The following CDC73 variants were observed in gnomAD, a reference collection of about 807,000 sequenced individuals.
CDC73 encodes cell division cycle 73.
In CDC73, 21 loss-of-function variants were observed where a neutral mutation model predicts 83.7. That is an observed-to-expected ratio of 0.25 (90% CI 0.18 to 0.36). CDC73 has a LOEUF of 0.36. Among genes scored for constraint, CDC73 ranks in the 10% least tolerant of loss-of-function variants. The pLI, the probability that CDC73 is intolerant of heterozygous loss-of-function variation, is 1.00. For synonymous variants in CDC73, 224 were observed against 212.9 expected (o/e 1.05, Z -0.45); for missense variants, 342 against 653.3 (o/e 0.52, Z 5.19).
chr1:193,216,164 T>C lies in CDC73; in HGVS notation c.1154+3687T>C, dbSNP rs188071809. On this transcript the variant is annotated intron_variant, in intron 13 of 16. Transcript: ENST00000367435. The stretch of plus-strand genomic sequence containing the variant: ...AAAGATCAATAAAACCAAAATTTGG[T>C]TCTTTGAAATAATACGATTAATAGA... Among the ~76,000 whole-genome samples the C allele has an allele frequency of 4.6e-5, 7 of 152,132 alleles. No individual in the cohort carries two copies. The East Asian group carries it at 1.4e-3, about 29-fold the overall frequency.
At chr1:193,241,895 G>C (rs553688519) in intron 15 of CDC73, among the ~76,000 whole-genome samples, 1 of 152,296 alleles carries the variant, frequency 6.6e-6, no homozygotes, top group East Asian at 1.9e-4. Context: ...TGTGCTACCA[G>C]CACTTGGGTC....
intron 13 of CDC73, among the ~76,000 whole-genome samples, chr1:193,231,192 T>C (rs970304290): frequency 6.6e-6 from 1 of 152,190 alleles, no homozygotes; most frequent in Non-Finnish European, 1.5e-5. Flanking sequence ...TAAGTAATTT[T>C]GTACAAGTAA....
At chr1:193,229,114 C>G (rs1677613863) in intron 13 of CDC73, among the ~76,000 whole-genome samples, 2 of 152,326 alleles carry the variant, frequency 1.3e-5, no homozygotes, top group African/African-American at 2.4e-5. Flanking sequence ...CTAGAAGTCT[C>G]ATACATTTTT....
At chr1:193,237,934 G>T (rs902110913) in intron 15 of CDC73, among the ~76,000 whole-genome samples, 2 of 152,064 alleles carry the variant, frequency 1.3e-5, no homozygotes, top group Non-Finnish European at 2.9e-5. Context: ...TGGTAAATGG[G>T]AAGTTAAATA....
At chr1:193,179,633 TACC>T (rs1295050443) in intron 10 of CDC73, 2 of 152,578 alleles carry the variant, frequency 1.3e-5, no homozygotes, top group African/African-American at 2.4e-5. Flanking sequence ...TTTCACATTT[TACC>T]ACGTCATGTC....
At chr1:193,177,831 A>G (rs1438393956) in intron 10 of CDC73, among the ~76,000 whole-genome samples, 1 of 152,228 alleles carries the variant, frequency 6.6e-6, no homozygotes, top group Non-Finnish European at 1.5e-5. Flanking sequence ...AAGAGGTGTG[A>G]GGAGAAATCT....
At chr1:193,133,970 C>A (rs1675741516) in intron 3 of CDC73, among the ~76,000 whole-genome samples, 1 of 151,088 alleles carries the variant, frequency 6.6e-6, no homozygotes. Flanking sequence ...TCTGGTGAAG[C>A]AATGAGAAAA....
intron 15 of CDC73, among the ~76,000 whole-genome samples, chr1:193,245,863 G>T (rs1677945663): frequency 6.6e-6 from 1 of 152,072 alleles, no homozygotes; most frequent in Non-Finnish European, 1.5e-5. Flanking sequence ...TTGTGGTTTT[G>T]ATTTGGATTT....
chr1:193,154,954 C>T (rs1012515408), intron 10 of CDC73, among the ~76,000 whole-genome samples: 4 of 152,100 alleles, frequency 2.6e-5, no homozygotes, highest in Non-Finnish European at 5.9e-5. Flanking sequence ...TAACTTCCTT[C>T]CTAATTTATG....
chr1:193,232,673 C>T (rs576362049), intron 13 of CDC73, among the ~76,000 whole-genome samples: 11 of 152,164 alleles, frequency 7.2e-5, no homozygotes, highest in Middle Eastern at 3.4e-3. Flanking sequence ...GAGGCCGAGG[C>T]GGGTGGATCA....
chr1:193,161,627 G>T lies in CDC73; in HGVS notation c.972+9183G>T, dbSNP rs1558292946. ...AATAGATAATATATATTATATGATA[G>T]ATATATAATATATTATATAATATAT... is the stretch of plus-strand genomic sequence containing the variant. On this transcript the variant is annotated intron_variant, in intron 10 of 16. Transcript: ENST00000367435. Among the ~76,000 whole-genome samples the T allele has an allele frequency of 2.7e-4, 11 of 40,506 alleles. 3 individuals are homozygous for T. The highest frequency in any genetic ancestry group is 4.0e-4 in the Admixed American group (1 of 2,500). 26.6% of individuals were successfully genotyped at this position (40,506 alleles called of 152,430 possible).
At chr1:193,176,248 G>A (rs1366907590) in intron 10 of CDC73, among the ~76,000 whole-genome samples, 1 of 152,086 alleles carries the variant, frequency 6.6e-6, no homozygotes, top group Non-Finnish European at 1.5e-5. Flanking sequence ...AGGAACATAG[G>A]CCCCTAAACC....
chr1:193,227,296 T>C (rs1297617732), intron 13 of CDC73, among the ~76,000 whole-genome samples: 1 of 152,164 alleles, frequency 6.6e-6, no homozygotes, highest in Non-Finnish European at 1.5e-5. Context: ...GCACACTGGT[T>C]GGTGTGCCAT....
chr1:193,253,997 T>C lies in CDC73; in HGVS notation c.*3285T>C, dbSNP rs2102077946. On this transcript the variant is annotated 3_prime_UTR_variant, in exon 17 of 17. Coordinates refer to ENST00000367435, the MANE Select transcript of CDC73 (RefSeq NM_024529.5). ...TTTTTGAGACTAGCAGTATATTTTA[T>C]AATATTACAAATACAACAATTATTT... 1 of 222,820 alleles carries C rather than the reference T, an allele frequency of 4.5e-6. No individual in the cohort carries two copies. Among genetic ancestry groups the C allele is most frequent in the South Asian group, 1.8e-4 (1 of 5,430 alleles). The allele number at this position is 222,820 out of a possible 1,614,324, so 13.8% of individuals were successfully genotyped here.
At chr1:193,122,575 TTC>T in intron 1 of CDC73, 1 of 490,214 alleles carries the variant, frequency 2.0e-6, no homozygotes, top group Non-Finnish European at 3.7e-6. Context: ...CCGTGGGAGT[TTC>T]TGACTTTTAC....
chr1:193,178,357 T>G (rs2103156136), intron 10 of CDC73, among the ~76,000 whole-genome samples: 1 of 152,262 alleles, frequency 6.6e-6, no homozygotes, highest in South Asian at 2.1e-4. Flanking sequence ...TAGGAAGAAT[T>G]TAGGTGTCTG....
chr1:193,136,984 A>ATT (rs36000842), intron 5 of CDC73, among the ~76,000 whole-genome samples: 1 of 151,408 alleles, frequency 6.6e-6, no homozygotes, highest in East Asian at 1.9e-4. Flanking sequence ...GGCATAATAC[A>ATT]TTTTTTTCCA....
chr1:193,138,645 C>T (rs556933903), intron 6 of CDC73, among the ~76,000 whole-genome samples: 24 of 152,234 alleles, frequency 1.6e-4, no homozygotes, highest in African/African-American at 5.5e-4. Context: ...ATTCCAGCTA[C>T]TCAAACTCTA....
intron 8 of CDC73, among the ~76,000 whole-genome samples, chr1:193,148,185 C>A (rs191783746): frequency 5.9e-5 from 9 of 152,304 alleles, no homozygotes; most frequent in Non-Finnish European, 1.2e-4. Flanking sequence ...ATACCTGGGT[C>A]AGAGTCTGAA....
Sources: allele counts gnomAD v4.1 joint callset (sites outside exome capture counted in the v4.1 genomes callset), GRCh38; gene constraint gnomAD v4.1.1; transcripts MANE v1.5; gene names NCBI Gene and HGNC (gene_info 2026-07-23, HGNC 2026-07-21).